TG: variants seen among roughly 807,000 people sequenced by gnomAD.
TG encodes the protein thyroglobulin, also known as thyroid hormones.
In TG, 270 loss-of-function variants were observed where a neutral mutation model predicts 324.7. The observed-to-expected ratio is 0.83, with a 90% confidence interval of 0.75 to 0.92. TG has a LOEUF of 0.92. TG is among the 40% of genes least tolerant of loss of function. TG has a pLI of 0.00. For missense variants in TG, 3,591 were observed against 3,456.4 expected (o/e 1.04, Z -0.98); for synonymous variants, 1,401 against 1,327.0 (o/e 1.06, Z -1.21).
chr8:133,073,317 T>C (rs1456218102), intron 41 of TG: 2 of 152,214 alleles, frequency 1.3e-5, no homozygotes, highest in African/African-American at 4.8e-5. Context: ...TTAATATTAT[T>C]ATACTTTCAG....
At position 133,062,169 on chromosome 8, in the gene TG, A is replaced by C. The variant is rs144081181; in HGVS notation, c.7239+32146A>C. On this transcript the variant is annotated intron_variant, in intron 41 of 47. Coordinates refer to ENST00000220616, the MANE Select transcript of TG (RefSeq NM_003235.5). The stretch of plus-strand genomic sequence containing the variant: ...TGACTAGAAAAGAGGATGCCCTTGC[A>C]AATTTGAGGCTCGGGCCCTTCTTTC... 6.4e-4 allele frequency among the ~76,000 whole-genome samples: 98 copies of C among 152,298 alleles called. No individual in the cohort carries two copies. In the East Asian group the frequency reaches 0.017, roughly 27 times the overall value.
intron 43 of TG, among the ~76,000 whole-genome samples, chr8:133,112,445 T>C (rs1298183460): frequency 6.6e-6 from 1 of 152,062 alleles, no homozygotes; most frequent in South Asian, 2.1e-4. Context: ...AACTGGGTCC[T>C]GGGGGAAGGC....
intron 41 of TG, among the ~76,000 whole-genome samples, chr8:133,082,294 G>T (rs1328838004): frequency 6.6e-6 from 1 of 152,198 alleles, no homozygotes; most frequent in Non-Finnish European, 1.5e-5. Context: ...GTTATTGACA[G>T]CTAGCTTTGG....
intron 35 of TG, among the ~76,000 whole-genome samples, chr8:133,004,090 G>C (rs1176610161): frequency 6.6e-6 from 1 of 152,236 alleles, no homozygotes. Flanking sequence ...GAAAGAGGCT[G>C]TATGACCTCA....
chr8:132,876,323 G>A (rs1185382466), intron 5 of TG, among the ~76,000 whole-genome samples: 1 of 152,086 alleles, frequency 6.6e-6, no homozygotes, highest in Non-Finnish European at 1.5e-5. Context: ...GGTGAGGGTC[G>A]GGGGGAGTCA....
At chr8:133,013,323 A>G (rs1421627402) in intron 36 of TG, among the ~76,000 whole-genome samples, 1 of 152,130 alleles carries the variant, frequency 6.6e-6, no homozygotes, top group African/African-American at 2.4e-5. Context: ...GGATAGATGG[A>G]TGGAAGGGTG....
intron 19 of TG, among the ~76,000 whole-genome samples, chr8:132,912,655 C>A (rs1819699789): frequency 6.6e-6 from 1 of 152,170 alleles, no homozygotes; most frequent in Non-Finnish European, 1.5e-5. Flanking sequence ...GAGCCATTCC[C>A]AAGCCATTTT....
chr8:133,070,067 G>A (rs2702992), intron 41 of TG, among the ~76,000 whole-genome samples: 82,017 of 136,900 alleles, frequency 0.6, 25,562 homozygotes, highest in East Asian at 0.79. Flanking sequence ...GAAAGGAACT[G>A]AAGAAACAAT....
At chr8:132,987,719 G>GT (rs1218131147) in intron 35 of TG, among the ~76,000 whole-genome samples, 2 of 112,308 alleles carry the variant, frequency 1.8e-5, no homozygotes, top group African/African-American at 7.8e-5. Context: ...GTGTGTGTGT[G>GT]TGGTGTGTGT....
chr8:133,016,473 T>A (rs533108171), intron 37 of TG, among the ~76,000 whole-genome samples: 1 of 152,338 alleles, frequency 6.6e-6, no homozygotes, highest in East Asian at 1.9e-4. Context: ...AACCTCTATA[T>A]GATACAAAGC....
At chr8:133,006,450 A>G (rs981322223) in intron 35 of TG, among the ~76,000 whole-genome samples, 28 of 152,242 alleles carry the variant, frequency 1.8e-4, no homozygotes, top group African/African-American at 2.4e-5. Flanking sequence ...AAGTTTGAGA[A>G]CTACGATGGA....
chr8:132,920,953 G>C (rs1169393023), intron 21 of TG, among the ~76,000 whole-genome samples: 1 of 152,218 alleles, frequency 6.6e-6, no homozygotes, highest in Non-Finnish European at 1.5e-5. Context: ...AGTTCTACAG[G>C]CTGGAAGTCT....
Position 132,988,355 on chromosome 8 carries a change from G to T in TG, c.6262+4943G>T, listed in dbSNP as rs148367223. 3.6e-3 allele frequency among the ~76,000 whole-genome samples: 549 copies of T among 152,244 alleles called. 6 individuals carry two copies. Among genetic ancestry groups the T allele is most frequent in the African/African-American group, 0.012 (513 of 41,530 alleles). Reference sequence around the variant, plus strand: ...GGGCACTGCATGTGTGGAAGCATGGGGACATGCATCAGCAAGGCTCAGGCA... The same window carrying T: ...GGGCACTGCATGTGTGGAAGCATGGTGACATGCATCAGCAAGGCTCAGGCA... On this transcript the variant is annotated intron_variant, in intron 35 of 47. Coordinates refer to ENST00000220616, the MANE Select transcript of TG (RefSeq NM_003235.5).
chr8:132,907,020 GC>G, intron 17 of TG, 120 bp downstream of exon 17: 1 of 1,062,766 alleles, frequency 9.4e-7, no homozygotes, highest in Non-Finnish European at 1.4e-6. Flanking sequence ...CTGGTGGTAT[GC>G]CAGATGGCAC....
Position 132,932,177 on chromosome 8 carries a change from G to A in TG, c.4817-1384G>A, listed in dbSNP as rs538070492. 1.1e-4 allele frequency among the ~76,000 whole-genome samples: 16 copies of A among 152,080 alleles called. 1 individual carries two copies. Among genetic ancestry groups the A allele is most frequent in the South Asian group, 8.3e-4 (4 of 4,818 alleles). ...AGTTTCTGGGTAAAATGACATCATCGACCTCTCAGTGCCTAGTTCATAAAA... is the reference window on the plus strand; with the variant it reads ...AGTTTCTGGGTAAAATGACATCATCAACCTCTCAGTGCCTAGTTCATAAAA... On this transcript the variant is annotated intron_variant, in intron 23 of 47. Transcript: ENST00000220616.
intron 10 of TG, among the ~76,000 whole-genome samples, chr8:132,891,120 T>C (rs1452530767): frequency 6.6e-6 from 1 of 152,118 alleles, no homozygotes; most frequent in Non-Finnish European, 1.5e-5. Context: ...TACTAACTCA[T>C]TGAAGATTGG....
chr8:132,963,727 G>A (rs931970960), intron 29 of TG, among the ~76,000 whole-genome samples: 38 of 149,756 alleles, frequency 2.5e-4, no homozygotes, highest in Admixed American at 2.0e-3. Flanking sequence ...ACGCACTGTA[G>A]GAATAGGAGT....
chr8:133,030,024 G>C lies in TG; in HGVS notation c.7239+1G>C, dbSNP rs759875823. The C allele has an allele frequency of 6.2e-7, 1 of 1,614,220 alleles. No individual in the cohort carries two copies. Among genetic ancestry groups the C allele is most frequent in the East Asian group, 2.2e-5 (1 of 44,880 alleles). On this transcript the variant is annotated splice_donor_variant, in intron 41 of 47. Transcript: ENST00000220616. LOFTEE classifies it high-confidence loss of function. ...ACTTTTCCGGAGAGCTGTGCTGATG[G>C]TAAGTGGTGTGTGTTCTACCTTCAG...
At chr8:132,915,771 T>G (rs560742315) in intron 20 of TG, among the ~76,000 whole-genome samples, 1 of 152,254 alleles carries the variant, frequency 6.6e-6, no homozygotes. Flanking sequence ...GCTCATGGAC[T>G]GTGGTTTGCC....
Sources: allele counts gnomAD v4.1 joint callset (sites outside exome capture counted in the v4.1 genomes callset), GRCh38; gene constraint gnomAD v4.1.1; transcripts MANE v1.5; gene names NCBI Gene and HGNC (gene_info 2026-07-23, HGNC 2026-07-21).